The following PSMD11 variants were observed in gnomAD, a reference collection of about 807,000 sequenced individuals.
PSMD11 encodes the protein 26S proteasome non-ATPase regulatory subunit 11.
Under a neutral mutation model 62.3 loss-of-function variants are expected in PSMD11, and 5 were observed. The observed-to-expected ratio is 0.08, with a 90% CI of 0.04 to 0.17. The LOEUF is 0.17. Among genes scored for constraint, PSMD11 ranks in the 10% least tolerant of loss-of-function variants. The probability of loss-of-function intolerance (pLI) is 1.00; values close to 1 mark genes in which losing one functional copy is unlikely to be tolerated. For missense variants in PSMD11, 310 were observed against 512.9 expected (o/e 0.60, Z 3.82); for synonymous variants, 191 against 191.8 (o/e 1.00, Z 0.03).
At chr17:32,455,762 G>A (rs902838511) in intron 3 of PSMD11, among the ~76,000 whole-genome samples, 27 of 152,112 alleles carry the variant, frequency 1.8e-4, no homozygotes, top group Non-Finnish European at 1.0e-4. Context: ...TGGCTATTTT[G>A]AATTAAAGTG....
intron 8 of PSMD11, among the ~76,000 whole-genome samples, chr17:32,475,502 C>G (rs1344675790): frequency 1.3e-5 from 2 of 151,868 alleles, no homozygotes; most frequent in African/African-American, 4.8e-5. Context: ...GCAGTGGTCT[C>G]TAAACACAGA....
chr17:32,472,104 G>C (rs1021265326), intron 6 of PSMD11, among the ~76,000 whole-genome samples: 1 of 152,128 alleles, frequency 6.6e-6, no homozygotes, highest in African/African-American at 2.4e-5. Context: ...CTAGGTTCAG[G>C]TGATCCACCT....
rs371299240 is a variant in PSMD11, at chr17:32,483,055, T to G, written c.*2303T>G. 6.6e-6 allele frequency: 1 copy of G among 152,314 alleles called. No individual in the cohort carries two copies. The highest frequency in any genetic ancestry group is 1.9e-4 in the East Asian group (1 of 5,172). 9.4% of individuals were successfully genotyped at this position (152,314 alleles called of 1,614,324 possible). A position where few individuals can be genotyped will look rare whatever the true frequency, so the allele number is the denominator to read the frequency against. ...AGATGCTCAGGCAGTAGCCCTTTTC[T>G]CAGTTCCCTTTGCGGGTCTTGGTCA... On this transcript the variant is annotated 3_prime_UTR_variant, in exon 14 of 14. Coordinates refer to ENST00000261712, the MANE Select transcript of PSMD11 (RefSeq NM_002815.4).
chr17:32,470,047 C>A (rs1263875608), intron 6 of PSMD11, among the ~76,000 whole-genome samples: 2 of 151,180 alleles, frequency 1.3e-5, no homozygotes, highest in Non-Finnish European at 2.9e-5. Context: ...GGGTCTCACT[C>A]TGTTGCCCAG....
chr17:32,480,477 T>G lies in PSMD11; in HGVS notation c.1127-12T>G. On this transcript the variant is annotated splice_polypyrimidine_tract_variant and intron_variant, in intron 12 of 13. Transcript: ENST00000261712. ...TCATCTTTTACCTGGGTTGCCCTTG[T>G]GTTTCTTGCAGGGATTTTGGACCAG... The G allele has an allele frequency of 6.2e-7, 1 of 1,614,198 alleles. No individual in the cohort carries two copies. The highest frequency in any genetic ancestry group is 8.5e-7 in the Non-Finnish European group (1 of 1,180,014).
At chr17:32,462,474 CAGTTG>C (rs1438355627) in intron 3 of PSMD11, among the ~76,000 whole-genome samples, 1 of 152,026 alleles carries the variant, frequency 6.6e-6, no homozygotes, top group Non-Finnish European at 1.5e-5. Flanking sequence ...TTTATGAGGT[CAGTTG>C]AGTTTAGAGT....
rs1197938683 is a variant in PSMD11 at position 32,465,778 on chromosome 17, A to AGCTCAGGAGTTGGAG, written c.448+1202_448+1203insTCAGGAGTTGGAGGC. On this transcript the variant is annotated intron_variant, in intron 5 of 13. Coordinates refer to ENST00000261712, the MANE Select transcript of PSMD11 (RefSeq NM_002815.4). ...TGCCTGAGCTCAGGAGTTGGAGACC[A>AGCTCAGGAGTTGGAG]GCCTAGGCAACATGGTGAAACCCCG... Among the ~76,000 whole-genome samples, 1,401 of 152,130 alleles carry AGCTCAGGAGTTGGAG rather than the reference A, an allele frequency of 9.2e-3. 23 individuals carry two copies. Among genetic ancestry groups the AGCTCAGGAGTTGGAG allele is most frequent in the African/African-American group, 0.031 (1,282 of 41,544 alleles).
intron 4 of PSMD11, 135 bp downstream of exon 4, chr17:32,464,255 C>T: frequency 1.1e-6 from 1 of 902,428 alleles, no homozygotes; most frequent in South Asian, 1.5e-5. Flanking sequence ...TTGATGGTAG[C>T]CCCACTTATG....
intron 8 of PSMD11, 122 bp downstream of exon 8, chr17:32,474,946 C>T (rs936929931): frequency 1.8e-5 from 16 of 902,778 alleles, no homozygotes; most frequent in Non-Finnish European, 2.8e-5. Context: ...CTGCCCCACT[C>T]ACTTCCTTCC....
chr17:32,449,016 G>A (rs1646553358), intron 2 of PSMD11, among the ~76,000 whole-genome samples: 3 of 152,140 alleles, frequency 2.0e-5, no homozygotes, highest in Non-Finnish European at 4.4e-5. Flanking sequence ...ATTTGAGCTT[G>A]GGGGGTTCCA....
intron 6 of PSMD11, among the ~76,000 whole-genome samples, chr17:32,472,560 C>T (rs1411978377): frequency 2.7e-5 from 4 of 148,216 alleles, no homozygotes; most frequent in Admixed American, 6.8e-5. Flanking sequence ...TTTTTTAAGA[C>T]GGAGTCTCAC....
intron 2 of PSMD11, among the ~76,000 whole-genome samples, chr17:32,451,043 C>A (rs898985257): frequency 2.0e-5 from 3 of 151,168 alleles, no homozygotes; most frequent in Admixed American, 6.6e-5. Context: ...ATCACTTGAG[C>A]CTGGGAAGTC....
At chr17:32,467,665 A>C (rs1409554041) in intron 5 of PSMD11, among the ~76,000 whole-genome samples, 1 of 152,150 alleles carries the variant, frequency 6.6e-6, no homozygotes, top group Non-Finnish European at 1.5e-5. Context: ...TGGATGGAGT[A>C]CAGTGGTGCA....
chr17:32,467,538 G>A (rs1461540985), intron 5 of PSMD11, among the ~76,000 whole-genome samples: 4 of 152,158 alleles, frequency 2.6e-5, no homozygotes, highest in African/African-American at 4.8e-5. Flanking sequence ...GAGCCACTGC[G>A]CCCGGCCTCC....
intron 3 of PSMD11, among the ~76,000 whole-genome samples, chr17:32,461,673 T>C (rs1907851408): frequency 1.3e-5 from 2 of 151,816 alleles, no homozygotes; most frequent in South Asian, 4.1e-4. Context: ...GAAACATCTA[T>C]GATGACCTTA....
Position 32,480,512 on chromosome 17 carries a change from G to A in PSMD11, c.1150G>A (p.Val384Ile). 1.4e-5 allele frequency: 22 copies of A among 1,614,194 alleles called. No homozygotes were observed. Among genetic ancestry groups the A allele is most frequent in the Non-Finnish European group, 1.8e-5 (21 of 1,180,024 alleles). Reference sequence around the variant, plus strand: ...AGGGATTTTGGACCAGGGGGAGGGTGTCCTGATTATTTTCGATGAACCCCC... The same window carrying A: ...AGGGATTTTGGACCAGGGGGAGGGTATCCTGATTATTTTCGATGAACCCCC... ...FHGILDQGEG[V>I]LIIFDEPPVD... The change falls in exon 13 of 14, where the codon GTC (valine) becomes ATC (isoleucine). Residue 384 changes from valine to isoleucine, a missense_variant. Coordinates refer to ENST00000261712, the MANE Select transcript of PSMD11 (RefSeq NM_002815.4).
chr17:32,453,238 T>G (rs539530798), intron 2 of PSMD11, among the ~76,000 whole-genome samples: 1 of 152,322 alleles, frequency 6.6e-6, no homozygotes, highest in South Asian at 2.1e-4. Context: ...GGAGAATCAC[T>G]GTAGACTGGA....
At chr17:32,478,197 C>T (rs1433303381) in intron 9 of PSMD11, among the ~76,000 whole-genome samples, 1 of 152,188 alleles carries the variant, frequency 6.6e-6, no homozygotes, top group Non-Finnish European at 1.5e-5. Flanking sequence ...TCCTGAACCT[C>T]TCTCCTTTTA....
intron 3 of PSMD11, chr17:32,463,234 T>G (rs1448053161): frequency 6.6e-6 from 1 of 152,246 alleles, no homozygotes; most frequent in African/African-American, 2.4e-5. Flanking sequence ...CTGCTTTAAG[T>G]CAGTTACTTT....
Sources: allele counts gnomAD v4.1 joint callset (sites outside exome capture counted in the v4.1 genomes callset), GRCh38; gene constraint gnomAD v4.1.1; transcripts MANE v1.5; gene names NCBI Gene and HGNC (gene_info 2026-07-23, HGNC 2026-07-21).